The following IRAK3 variants were observed in gnomAD, a reference collection of about 807,000 sequenced individuals.
IRAK3 encodes the protein interleukin 1 receptor associated kinase 3.
IRAK3 carries 57 observed loss-of-function variants against 56.6 expected under a neutral mutation model. The ratio of observed to expected loss-of-function variants is 1.01; its 90% CI spans 0.81 to 1.26. IRAK3 has a LOEUF of 1.26. Among genes scored for constraint, IRAK3 ranks in the 50% most tolerant of loss-of-function variants. The pLI is 0.00. For synonymous variants in IRAK3, 258 were observed against 255.7 expected, an observed-to-expected ratio of 1.01 and a Z score of -0.09; for missense variants, 703 against 719.0, an observed-to-expected ratio of 0.98 and a Z score of 0.25.
chr12:66,209,274 CTATTTCACAAATATAA>C (rs1258717515), intron 2 of IRAK3, among the ~76,000 whole-genome samples, 166 bp from the exon 3 acceptor site: 1 of 152,048 alleles, frequency 6.6e-6, no homozygotes, highest in Non-Finnish European at 1.5e-5. Context: ...AATTAGAAAG[CTATTTCACAAATATAA>C]TACTTCACAA....
intron 1 of IRAK3, chr12:66,198,092 T>C (rs1405721407): frequency 2.0e-6 from 2 of 985,216 alleles, no homozygotes; most frequent in Non-Finnish European, 2.4e-6. Context: ...AAATATTTTA[T>C]CTGAGACTCC....
rs1592583709 is a variant in IRAK3 at position 66,211,342 on chromosome 12, T to C, written c.437-104T>C. ...CTTTGGTTCCTGGGCCTTTCTCTAC[T>C]AACCTTCCACTGGACTCTGATTTGT... is the stretch of plus-strand genomic sequence containing the variant. On this transcript the variant is annotated intron_variant, in intron 4 of 11. Coordinates refer to ENST00000261233, the MANE Select transcript of IRAK3 (RefSeq NM_007199.3). The C allele has an allele frequency of 4.8e-6, 4 of 833,804 alleles. No individual in the cohort carries two copies. In the East Asian group the frequency reaches 1.0e-4, roughly 22 times the overall value. 51.7% of individuals were successfully genotyped at this position (833,804 alleles called of 1,614,324 possible).
chr12:66,235,127 C>T, intron 8 of IRAK3: 2 of 1,611,810 alleles, frequency 1.2e-6, no homozygotes, highest in South Asian at 2.2e-5. Context: ...GAGCTGATCC[C>T]ATCCTGAGTT....
At chr12:66,189,667 G>A (rs1490703917) in intron 1 of IRAK3, among the ~76,000 whole-genome samples, 2 of 152,170 alleles carry the variant, frequency 1.3e-5, no homozygotes, top group African/African-American at 4.8e-5. Context: ...AAAGTCAAGG[G>A]AGCCGAGGCC....
In IRAK3 at chr12:66,189,247, G is replaced by A. The variant is rs1374041289; in HGVS notation, c.-53G>A. On this transcript the variant is annotated 5_prime_UTR_variant, in exon 1 of 12. Coordinates refer to ENST00000261233, the MANE Select transcript of IRAK3 (RefSeq NM_007199.3). The stretch of plus-strand genomic sequence containing the variant: ...CGCGGTTGTGTAACGGCCTGTCGCA[G>A]GCGTGCAGGGACCTGGACTCCGCCT... 1.3e-6 allele frequency: 2 copies of A among 1,530,400 alleles called. No individual in the cohort carries two copies. Among genetic ancestry groups the A allele is most frequent in the East Asian group, 4.9e-5 (2 of 40,782 alleles). 94.8% of individuals were successfully genotyped at this position (1,530,400 alleles called of 1,614,324 possible). A position where few individuals can be genotyped will look rare whatever the true frequency, so the allele number is the denominator to read the frequency against.
chr12:66,213,130 T>C (rs950508770), intron 5 of IRAK3, among the ~76,000 whole-genome samples: 5 of 152,180 alleles, frequency 3.3e-5, no homozygotes, highest in African/African-American at 1.2e-4. Context: ...CTCAGTATCA[T>C]GGCAGAAGAT....
At chr12:66,217,414 A>G (rs1369413324) in intron 6 of IRAK3, among the ~76,000 whole-genome samples, 179 bp downstream of exon 6, 1 of 152,226 alleles carries the variant, frequency 6.6e-6, no homozygotes, top group Non-Finnish European at 1.5e-5. Flanking sequence ...TTTAAAATAG[A>G]TCATTTACAT....
In IRAK3 at chr12:66,253,923, T is replaced by C. The variant is rs548103317; in HGVS notation, c.*5752T>C. Reference sequence around the variant, plus strand: ...ACACTTTATTCAAGTCCAGGAAATATCTGCCTTGAAAAAGAATAACTTAAA... The same window carrying C: ...ACACTTTATTCAAGTCCAGGAAATACCTGCCTTGAAAAAGAATAACTTAAA... On this transcript the variant is annotated 3_prime_UTR_variant, in exon 12 of 12. Transcript: ENST00000261233. 7 of 152,344 alleles carry C rather than the reference T, an allele frequency of 4.6e-5. No individual in the cohort carries two copies. In the South Asian group the frequency reaches 1.4e-3, roughly 32 times the overall value. 9.4% of individuals were successfully genotyped at this position (152,344 alleles called of 1,614,324 possible).
intron 11 of IRAK3, among the ~76,000 whole-genome samples, chr12:66,245,600 C>CTATCTT (rs71096084): frequency 9.9e-5 from 3 of 30,266 alleles, no homozygotes; most frequent in Non-Finnish European, 1.4e-4. Context: ...TGCAGTGGCA[C>CTATCTT]GGCCCACTGC....
In IRAK3 at chr12:66,253,163, C is replaced by T. The variant is rs1316946643; in HGVS notation, c.*4992C>T. 6.6e-6 allele frequency: 1 copy of T among 152,150 alleles called. No individual in the cohort carries two copies. The highest frequency in any genetic ancestry group is 1.5e-5 in the Non-Finnish European group (1 of 68,020). The allele number at this position is 152,150 out of a possible 1,614,324, so 9.4% of individuals were successfully genotyped here. A position where few individuals can be genotyped will look rare whatever the true frequency, so the allele number is the denominator to read the frequency against. ...AAAGCATCTTCAGAATCAAGATTGT[C>T]ATCTAGATTGCACCCGAAGTTTATC... On this transcript the variant is annotated 3_prime_UTR_variant, in exon 12 of 12. Coordinates refer to ENST00000261233, the MANE Select transcript of IRAK3 (RefSeq NM_007199.3).
chr12:66,243,066 CG>C (rs2052987736), intron 8 of IRAK3, among the ~76,000 whole-genome samples: 1 of 146,636 alleles, frequency 6.8e-6, no homozygotes, highest in Non-Finnish European at 1.5e-5. Flanking sequence ...AACTTTGTCT[CG>C]AAAAAAAAAA....
intron 8 of IRAK3, among the ~76,000 whole-genome samples, chr12:66,239,518 T>C (rs2052942840): frequency 6.6e-6 from 1 of 152,202 alleles, no homozygotes; most frequent in Admixed American, 6.5e-5. Context: ...CCCAGCTCAG[T>C]GTTTAACAGG....
rs143440918 is a variant in IRAK3 at position 66,222,864 on chromosome 12, C to T, written c.654-3859C>T. Among the ~76,000 whole-genome samples, 30 of 152,220 alleles carry T rather than the reference C, an allele frequency of 2.0e-4. 2 individuals carry two copies. In the East Asian group the frequency reaches 4.4e-3, roughly 23 times the overall value. Reference sequence around the variant, plus strand: ...TTTCACTCGCGTCTGTGTGAAGAGACCACCACACAGGCTTTGTGTGAGCAA... The same window carrying T: ...TTTCACTCGCGTCTGTGTGAAGAGATCACCACACAGGCTTTGTGTGAGCAA... On this transcript the variant is annotated intron_variant, in intron 6 of 11. Coordinates refer to ENST00000261233, the MANE Select transcript of IRAK3 (RefSeq NM_007199.3).
chr12:66,197,095 A>G, intron 1 of IRAK3: 1 of 1,326,260 alleles, frequency 7.5e-7, no homozygotes, highest in Non-Finnish European at 9.6e-7. Flanking sequence ...TGAGCATCTG[A>G]TTTCTGAACT....
rs1013988574 is a variant in IRAK3 at position 66,251,558 on chromosome 12, A to G, written c.*3387A>G. 6.6e-6 allele frequency: 1 copy of G among 152,200 alleles called. No homozygotes were observed. The highest frequency in any genetic ancestry group is 1.5e-5 in the Non-Finnish European group (1 of 68,032). 9.4% of individuals were successfully genotyped at this position (152,200 alleles called of 1,614,324 possible). A position where few individuals can be genotyped will look rare whatever the true frequency, so the allele number is the denominator to read the frequency against. Reference sequence around the variant, plus strand: ...GTCCCATTTTATAATGCCCAAACACATGGAGAAAACATTTTGTTGTTTTTA... The same window carrying G: ...GTCCCATTTTATAATGCCCAAACACGTGGAGAAAACATTTTGTTGTTTTTA... On this transcript the variant is annotated 3_prime_UTR_variant, in exon 12 of 12. Transcript: ENST00000261233.
At chr12:66,195,461 G>C (rs895860764) in intron 1 of IRAK3, among the ~76,000 whole-genome samples, 1 of 152,118 alleles carries the variant, frequency 6.6e-6, no homozygotes, top group Non-Finnish European at 1.5e-5. Flanking sequence ...CGGCTTCCCA[G>C]GCCAGTCAGA....
chr12:66,225,053 T>C (rs971446833), intron 6 of IRAK3, among the ~76,000 whole-genome samples: 6 of 152,184 alleles, frequency 3.9e-5, no homozygotes, highest in Non-Finnish European at 8.8e-5. Context: ...TATCCGTTTT[T>C]CTGTTTGATC....
intron 1 of IRAK3, among the ~76,000 whole-genome samples, chr12:66,200,935 T>C (rs1178958233): frequency 6.6e-6 from 1 of 152,122 alleles, no homozygotes; most frequent in East Asian, 1.9e-4. Flanking sequence ...CTCACCCTCC[T>C]GAGTAGCTGG....
chr12:66,227,177 A>G (rs2052795939), intron 7 of IRAK3, among the ~76,000 whole-genome samples: 1 of 152,198 alleles, frequency 6.6e-6, no homozygotes, highest in South Asian at 2.1e-4. Context: ...TTCCTTAAAT[A>G]ATTTTAATTT....
Sources: gnomAD v4.1 joint callset for allele counts (sites outside exome capture counted in the v4.1 genomes callset) on GRCh38, gnomAD v4.1.1 for gene constraint, MANE v1.5 for transcripts, NCBI Gene and HGNC (gene_info 2026-07-23, HGNC 2026-07-21) for gene names.